Variants in KCNH1 observed in about 807,000 individuals in gnomAD.
KCNH1 encodes the protein voltage-gated delayed rectifier potassium channel KCNH1.
KCNH1 carries 27 observed loss-of-function variants against 69.2 expected under a neutral mutation model. That is an observed-to-expected ratio of 0.39 (90% CI 0.29 to 0.54). The LOEUF is 0.54. KCNH1 is among the 20% of genes least tolerant of loss of function. The probability of loss-of-function intolerance (pLI) is 0.68; values close to 1 mark genes in which losing one functional copy is unlikely to be tolerated. For missense variants in KCNH1, 798 were observed against 1,261.6 expected, an observed-to-expected ratio of 0.63 and a Z score of 5.57; for synonymous variants, 456 against 487.7, an observed-to-expected ratio of 0.93 and a Z score of 0.86.
At chr1:210,897,857 A>G (rs769795787) in intron 7 of KCNH1, among the ~76,000 whole-genome samples, 1 of 152,194 alleles carries the variant, frequency 6.6e-6, no homozygotes, top group Non-Finnish European at 1.5e-5. Context: ...GCAGGAAGAG[A>G]GCGAGCTGAT....
At chr1:210,790,908 T>C (rs1684199693) in intron 9 of KCNH1, among the ~76,000 whole-genome samples, 1 of 152,186 alleles carries the variant, frequency 6.6e-6, no homozygotes, top group African/African-American at 2.4e-5. Context: ...CTGATACGCT[T>C]CCCAAGCCCC....
At chr1:210,696,843 C>T (rs1681652903) in intron 10 of KCNH1, among the ~76,000 whole-genome samples, 1 of 152,146 alleles carries the variant, frequency 6.6e-6, no homozygotes, top group Non-Finnish European at 1.5e-5. Flanking sequence ...AGGAAGGGGG[C>T]AGAGTTTTAT....
intron 7 of KCNH1, among the ~76,000 whole-genome samples, chr1:210,867,362 C>T (rs202130129): frequency 0.01 from 699 of 67,230 alleles, 7 homozygotes; most frequent in African/African-American, 0.021. Context: ...CACACACACA[C>T]ATATATATAT....
intron 6 of KCNH1, among the ~76,000 whole-genome samples, chr1:210,985,195 A>T (rs556358367): frequency 4.9e-4 from 75 of 152,152 alleles, no homozygotes; most frequent in Middle Eastern, 3.4e-3. Context: ...TAGTCTTGCT[A>T]GTAGTCTATC....
At chr1:211,088,932 A>G (rs1691004494) in intron 4 of KCNH1, among the ~76,000 whole-genome samples, 2 of 152,174 alleles carry the variant, frequency 1.3e-5, no homozygotes, top group South Asian at 4.1e-4. Context: ...AATAAACCTA[A>G]GTCTCACTAC....
intron 6 of KCNH1, among the ~76,000 whole-genome samples, chr1:211,000,869 A>T (rs1453414168): frequency 1.3e-5 from 2 of 152,188 alleles, no homozygotes; most frequent in Admixed American, 1.3e-4. Context: ...CAAATCTACA[A>T]CCATCTGATC....
At chr1:210,795,987 A>G (rs1029766382) in intron 9 of KCNH1, among the ~76,000 whole-genome samples, 1 of 150,888 alleles carries the variant, frequency 6.6e-6, no homozygotes, top group African/African-American at 2.4e-5. Context: ...ACACACACAC[A>G]CACACACACA....
At chr1:210,776,768 A>T (rs1683869492) in intron 9 of KCNH1, among the ~76,000 whole-genome samples, 1 of 152,170 alleles carries the variant, frequency 6.6e-6, no homozygotes. Context: ...TACTAATCCC[A>T]TATAGCCATA....
chr1:210,982,010 C>A (rs906221157), intron 6 of KCNH1, among the ~76,000 whole-genome samples: 1 of 151,928 alleles, frequency 6.6e-6, no homozygotes, highest in Admixed American at 6.6e-5. Flanking sequence ...TCCTCCCCCT[C>A]CCAAAAACAT....
chr1:210,858,264 G>A (rs1327799098), intron 7 of KCNH1: 1 of 152,040 alleles, frequency 6.6e-6, no homozygotes, highest in Non-Finnish European at 1.5e-5. Context: ...GTAAGGTCTG[G>A]TATTTAAATA....
intron 7 of KCNH1, chr1:210,861,367 T>C: frequency 1.3e-6 from 1 of 780,252 alleles, no homozygotes; most frequent in Non-Finnish European, 2.4e-6. Flanking sequence ...ACACTTTCAA[T>C]AAAACTTGCT....
chr1:210,942,398 T>C (rs1038742389), intron 6 of KCNH1, among the ~76,000 whole-genome samples: 1 of 151,942 alleles, frequency 6.6e-6, no homozygotes, highest in African/African-American at 2.4e-5. Flanking sequence ...ACCTATAAAG[T>C]AGGAAAAATG....
intron 4 of KCNH1, among the ~76,000 whole-genome samples, chr1:211,083,443 G>A (rs576696977): frequency 6.6e-6 from 1 of 152,358 alleles, no homozygotes; most frequent in East Asian, 1.9e-4. Context: ...GTAGGTGGGG[G>A]AAAAGCAGTG....
intron 7 of KCNH1, among the ~76,000 whole-genome samples, chr1:210,883,060 T>C (rs115209310): frequency 6.6e-6 from 1 of 152,196 alleles, no homozygotes; most frequent in Non-Finnish European, 1.5e-5. Flanking sequence ...ACAAATGAAG[T>C]CACCTGGTTC....
chr1:210,810,403 C>G (rs1276341173), intron 7 of KCNH1, among the ~76,000 whole-genome samples: 2 of 152,116 alleles, frequency 1.3e-5, no homozygotes, highest in Non-Finnish European at 2.9e-5. Context: ...GTGCTAAACC[C>G]TTTCAATCTG....
At position 211,090,604 on chromosome 1, in the gene KCNH1, T is replaced by G; in HGVS notation, c.397A>C (p.Ile133Leu). Residue 133 changes from isoleucine (I) to leucine (L), a missense_variant, in exon 4 of 11, where the codon ATA becomes CTA. Physicochemically the swap from Ile to Leu is conservative, Grantham distance 5. Coordinates refer to ENST00000271751, the MANE Select transcript of KCNH1 (RefSeq NM_172362.3). ...TCAATTGGCTGTTTGAAAGCTGTTA[T>G]GTCACTGAAAGTGCAAAGAAATAAA... is the stretch of plus-strand genomic sequence containing the variant. The part of the protein sequence containing the change: ...VVLFLCTFSD[I>L]TAFKQPIEDD... 1 of 1,608,996 alleles carries G rather than the reference T, an allele frequency of 6.2e-7. No homozygotes were observed. Among genetic ancestry groups the G allele is most frequent in the Non-Finnish European group, 8.5e-7 (1 of 1,179,026 alleles).
At chr1:210,835,574 G>T (rs1435249077) in intron 7 of KCNH1, among the ~76,000 whole-genome samples, 1 of 152,174 alleles carries the variant, frequency 6.6e-6, no homozygotes, top group Non-Finnish European at 1.5e-5. Flanking sequence ...GAGGGAGGCA[G>T]CAGAGGAAGC....
At chr1:211,067,051 C>T (rs1386582900) in intron 5 of KCNH1, among the ~76,000 whole-genome samples, 3 of 152,170 alleles carry the variant, frequency 2.0e-5, no homozygotes, top group Admixed American at 1.3e-4. Context: ...GTCCCTTCCA[C>T]ATCTTCCCCG....
At chr1:210,806,940 G>A (rs12564968) in intron 7 of KCNH1, among the ~76,000 whole-genome samples, 18,787 of 142,564 alleles carry the variant, frequency 0.13, 1,275 homozygotes, top group Non-Finnish European at 0.15. Context: ...CCAGGAGGCA[G>A]AGTTTGCAGT....
Sources: allele counts gnomAD v4.1 joint callset (sites outside exome capture counted in the v4.1 genomes callset), GRCh38; gene constraint gnomAD v4.1.1; transcripts MANE v1.5; gene names NCBI Gene and HGNC (gene_info 2026-07-23, HGNC 2026-07-21).